NEBL: variants seen among roughly 807,000 people sequenced by gnomAD.
NEBL encodes the protein nebulette, also known as LIM and SH3 protein 2.
Under a neutral mutation model 140.2 loss-of-function variants are expected in NEBL, and 122 were observed. The observed-to-expected ratio is 0.87, with a 90% CI of 0.75 to 1.01. NEBL has a LOEUF of 1.01. Among genes scored for constraint, NEBL ranks in the 50% least tolerant of loss-of-function variants. The pLI, the probability that NEBL is intolerant of heterozygous loss-of-function variation, is 0.00. For synonymous variants in NEBL, 436 were observed against 398.9 expected (o/e 1.09, Z -1.11); for missense variants, 1,365 against 1,231.3 (o/e 1.11, Z -1.62).
chr10:21,284,552 C>A (rs1406593839), intron 1 of NEBL, among the ~76,000 whole-genome samples: 1 of 152,094 alleles, frequency 6.6e-6, no homozygotes, highest in Non-Finnish European at 1.5e-5. Context: ...ATATATTTGA[C>A]CTGGTATTTT....
At chr10:21,055,946 G>A (rs2119241) in intron 2 of NEBL, among the ~76,000 whole-genome samples, 59,668 of 151,994 alleles carry the variant, frequency 0.39, 11,791 homozygotes, top group Middle Eastern at 0.47. Context: ...GAGGCTACAC[G>A]GGCAAATGCT....
Position 20,817,678 on chromosome 10 carries a change from T to A in NEBL, c.2070A>T (p.Gly690=). Residue 690 remains glycine (G), a synonymous_variant, in exon 21 of 28, where the codon GGA becomes GGT. Transcript: ENST00000377122. ...QEQLSAVKYK[G]ELQRGTAISD... The stretch of plus-strand genomic sequence containing the variant: ...AAATTGCAGTTCCCCGTTGAAGTTC[T>A]CCCTTATATTTTACCTAAGAAGGAT... The A allele has an allele frequency of 6.2e-7, 1 of 1,612,916 alleles. No individual in the cohort carries two copies. The highest frequency in any genetic ancestry group is 8.5e-7 in the Non-Finnish European group (1 of 1,178,920).
intron 3 of NEBL, among the ~76,000 whole-genome samples, chr10:21,203,809 G>A (rs776395303): frequency 6.6e-6 from 1 of 152,214 alleles, no homozygotes; most frequent in East Asian, 1.9e-4. Flanking sequence ...GTCTGAACTC[G>A]GGATGACTGT....
chr10:21,177,790 A>G (rs757213023), upstream of NEBL, among the ~76,000 whole-genome samples: 8 of 152,142 alleles, frequency 5.3e-5, no homozygotes, highest in Non-Finnish European at 1.2e-4. Flanking sequence ...GGCCTCCCAA[A>G]GTGCTGGGAT....
At chr10:20,893,158 C>T (rs917001740) in intron 2 of NEBL, among the ~76,000 whole-genome samples, 1 of 152,192 alleles carries the variant, frequency 6.6e-6, no homozygotes, top group African/African-American at 2.4e-5. Context: ...GCAGAAGGCT[C>T]TTTCTGCCTA....
At chr10:21,126,170 C>G (rs975604797) in intron 2 of NEBL, 26 of 1,557,324 alleles carry the variant, frequency 1.7e-5, no homozygotes, top group Non-Finnish European at 2.1e-5. Flanking sequence ...TGGTACCCCC[C>G]ATAGAAAGGA....
chr10:21,264,461 C>A (rs1157087299), intron 1 of NEBL, among the ~76,000 whole-genome samples: 1 of 151,990 alleles, frequency 6.6e-6, no homozygotes, highest in Non-Finnish European at 1.5e-5. Flanking sequence ...CAAGTTGCCA[C>A]CCTTCTGCAG....
chr10:21,033,357 A>G (rs1473649700), intron 2 of NEBL, among the ~76,000 whole-genome samples: 1 of 152,278 alleles, frequency 6.6e-6, no homozygotes, highest in Admixed American at 6.5e-5. Flanking sequence ...GCAAATGTGC[A>G]ATATGAACAA....
chr10:20,889,709 A>G (rs1168874449), intron 3 of NEBL, 136 bp downstream of exon 3: 3 of 685,012 alleles, frequency 4.4e-6, no homozygotes, highest in East Asian at 2.7e-5. Flanking sequence ...ATCACATTAG[A>G]TAATTATGTA....
At chr10:21,030,388 G>C (rs1833730758) in intron 2 of NEBL, 1 of 611,432 alleles carries the variant, frequency 1.6e-6, no homozygotes, top group East Asian at 4.2e-5. Flanking sequence ...GAAGGAGAGA[G>C]ACTGAAAAGT....
chr10:21,030,501 C>A (rs1833735002), intron 2 of NEBL: 2 of 814,676 alleles, frequency 2.5e-6, no homozygotes, highest in Non-Finnish European at 4.1e-6. Context: ...GCCCCTCCAC[C>A]AAAGGAGAAT....
At chr10:21,104,755 G>C (rs1467370658) in intron 2 of NEBL, among the ~76,000 whole-genome samples, 1 of 152,056 alleles carries the variant, frequency 6.6e-6, no homozygotes, top group Non-Finnish European at 1.5e-5. Context: ...AGAACTTCCA[G>C]TACTATGTTA....
intron 26 of NEBL, among the ~76,000 whole-genome samples, chr10:20,803,803 T>A (rs1837350069): frequency 7.5e-6 from 1 of 132,514 alleles, no homozygotes; most frequent in Non-Finnish European, 1.6e-5. Context: ...TCTTTCCTTC[T>A]GTACGAAAAA....
chr10:20,843,190 C>T lies in NEBL; in HGVS notation c.1227+2068G>A, dbSNP rs1203470021. Among the ~76,000 whole-genome samples, 4 of 152,142 alleles carry T rather than the reference C, an allele frequency of 2.6e-5. No individual in the cohort carries two copies. The East Asian group carries it at 7.7e-4, about 29-fold the overall frequency. On this transcript the variant is annotated intron_variant, in intron 12 of 27. Coordinates refer to ENST00000377122, the MANE Select transcript of NEBL (RefSeq NM_006393.3). ...GAGGAAAAGCACCACAGTTCTATCC[C>T]TCTACTGAAGTCACAGTACAAAGGT...
chr10:21,038,593 T>C (rs1227348759), intron 2 of NEBL, among the ~76,000 whole-genome samples: 1 of 152,234 alleles, frequency 6.6e-6, no homozygotes, highest in African/African-American at 2.4e-5. Flanking sequence ...TGCCACATTT[T>C]CTTTATCCAG....
intron 1 of NEBL, among the ~76,000 whole-genome samples, chr10:21,259,238 C>T (rs765001404): frequency 1.3e-5 from 2 of 152,048 alleles, no homozygotes; most frequent in Admixed American, 6.6e-5. Flanking sequence ...CAGGAGTGTG[C>T]CACCATGCCC....
intron 3 of NEBL, among the ~76,000 whole-genome samples, chr10:20,966,428 A>G (rs1836319616): frequency 6.6e-6 from 1 of 152,258 alleles, no homozygotes; most frequent in Non-Finnish European, 1.5e-5. Context: ...GAATGTTTGC[A>G]AGGTGAAAAT....
rs2296610 is a variant in NEBL at position 20,868,692 on chromosome 10, G to T, written c.656C>A (p.Ala219Asp). 12,686 of 1,611,660 alleles carry T rather than the reference G, an allele frequency of 7.9e-3. 673 individuals are homozygous for T. In the East Asian group the frequency reaches 0.14, roughly 18 times the overall value. ...ACTAGAAAGTTTAGAAGCTTCCACG[G>T]CATGTTCAAAATCTGGTCTTCCAAT... Reference protein sequence around the residue: ...AVIGRPDFEHAVEASKLSSQI... With the variant: ...AVIGRPDFEHDVEASKLSSQI... Residue 219 changes from alanine to aspartate, a missense_variant, in exon 7 of 28, where the codon GCC (alanine) becomes GAC (aspartate). Physicochemically the swap from Ala to Asp is moderately radical, Grantham distance 126. Around this residue, in one of 2 missense-constraint regions of NEBL, gnomAD observed 1,323 missense variants for 1,154.8 expected, o/e 1.15. Transcript: ENST00000377122.
At chr10:21,141,491 T>C (rs1345053703) in intron 2 of NEBL, among the ~76,000 whole-genome samples, 3 of 152,244 alleles carry the variant, frequency 2.0e-5, no homozygotes, top group Non-Finnish European at 4.4e-5. Flanking sequence ...TTTTTCATGA[T>C]ATTCTTGCAA....
Sources: gnomAD v4.1 joint callset for allele counts (sites outside exome capture counted in the v4.1 genomes callset) on GRCh38, gnomAD v4.1.1 for gene constraint, gnomAD v4.1.1 regional missense constraint, MANE v1.5 for transcripts, NCBI Gene and HGNC (gene_info 2026-07-23, HGNC 2026-07-21) for gene names.